The following TFPI variants were observed in gnomAD, a reference collection of about 807,000 sequenced individuals.
TFPI encodes tissue factor pathway inhibitor.
Under a neutral mutation model 34.6 loss-of-function variants are expected in TFPI, and 15 were observed. The ratio of observed to expected loss-of-function variants is 0.43; its 90% CI spans 0.29 to 0.67. TFPI has a LOEUF of 0.67. TFPI is among the 30% of genes least tolerant of loss of function. The pLI is 0.15. For synonymous variants in TFPI, 105 were observed against 120.1 expected (o/e 0.87, Z 0.82); for missense variants, 301 against 364.0 (o/e 0.83, Z 1.41).
chr2:187,494,104 C>T (rs572264607), intron 3 of TFPI, among the ~76,000 whole-genome samples: 1 of 152,264 alleles, frequency 6.6e-6, no homozygotes, highest in Non-Finnish European at 1.5e-5. Flanking sequence ...TGCAGAGAAA[C>T]TCCTGTTTGT....
At chr2:187,519,088 A>G (rs1687199279) in intron 1 of TFPI, 1 of 152,140 alleles carries the variant, frequency 6.6e-6, no homozygotes. Context: ...TTGGGTTAGA[A>G]CATGCTCCCT....
At chr2:187,541,236 C>T (rs772649104) in intron 1 of TFPI, among the ~76,000 whole-genome samples, 6 of 152,188 alleles carry the variant, frequency 3.9e-5, no homozygotes, top group Middle Eastern at 3.4e-3. Context: ...TAAGAATTAT[C>T]TATGATTTGT....
chr2:187,503,899 T>C, intron 1 of TFPI, 129 bp from the exon 2 acceptor site: 1 of 947,046 alleles, frequency 1.1e-6, no homozygotes. Flanking sequence ...ACACATACAT[T>C]TCTCTGTGCA....
chr2:187,503,322 G>A (rs1685973714), intron 2 of TFPI, among the ~76,000 whole-genome samples: 1 of 152,046 alleles, frequency 6.6e-6, no homozygotes, highest in South Asian at 2.1e-4. Flanking sequence ...AATGTCATAG[G>A]GAGTTGTTTT....
intron 3 of TFPI, among the ~76,000 whole-genome samples, chr2:187,494,509 T>G (rs535084539): frequency 1.4e-4 from 22 of 152,280 alleles, no homozygotes; most frequent in African/African-American, 4.8e-4. Context: ...TTTTGTTCAA[T>G]GCTTGCAAAC....
intron 1 of TFPI, among the ~76,000 whole-genome samples, chr2:187,550,680 T>C (rs1036421227): frequency 6.6e-6 from 1 of 152,180 alleles, no homozygotes; most frequent in Non-Finnish European, 1.5e-5. Context: ...GTAAAGTATT[T>C]TCCATATGTC....
At chr2:187,532,109 G>A (rs2106259534) in intron 1 of TFPI, among the ~76,000 whole-genome samples, 1 of 152,192 alleles carries the variant, frequency 6.6e-6, no homozygotes, top group East Asian at 1.9e-4. Context: ...CCATCAATCT[G>A]CCTATTCAGA....
rs553062192 is a variant in TFPI, at chr2:187,502,897, G to C, written c.121+751C>G. Among the ~76,000 whole-genome samples, 3 of 152,196 alleles carry C rather than the reference G, an allele frequency of 2.0e-5. No homozygotes were observed. The South Asian group carries it at 6.2e-4, about 32-fold the overall frequency. Reference sequence around the variant, plus strand: ...GCTATTAAAGCTATCAAATAAGAATGCATTTATGGAAATCTTTTTTACATC... The same window carrying C: ...GCTATTAAAGCTATCAAATAAGAATCCATTTATGGAAATCTTTTTTACATC... On this transcript the variant is annotated intron_variant, in intron 2 of 7. Coordinates refer to ENST00000233156, the MANE Select transcript of TFPI (RefSeq NM_006287.6).
intron 1 of TFPI, among the ~76,000 whole-genome samples, chr2:187,521,163 A>C (rs1382968065): frequency 6.6e-6 from 1 of 152,076 alleles, no homozygotes. Flanking sequence ...ATATATGTGT[A>C]TATTCTATCC....
In TFPI at chr2:187,529,772, A is replaced by AAGAT. The variant is rs1345021321; in HGVS notation, c.-3+24424_-3+24427dup. On this transcript the variant is annotated intron_variant, in intron 1 of 7. Coordinates refer to ENST00000233156, the MANE Select transcript of TFPI (RefSeq NM_006287.6). ...CCTTTCTATCAGTAGGCTGGAGCTG[A>AAGAT]AGATACATCAGCCCTAGAGTGCACT... Among the ~76,000 whole-genome samples the AAGAT allele has an allele frequency of 3.3e-5, 5 of 152,296 alleles. No homozygotes were observed. The East Asian group carries it at 7.7e-4, about 24-fold the overall frequency.
chr2:187,484,153 G>A lies in TFPI; in HGVS notation c.599C>T (p.Pro200Leu), dbSNP rs764845860. 4.7e-5 allele frequency: 75 copies of A among 1,612,114 alleles called. No individual in the cohort carries two copies. Among genetic ancestry groups the A allele is most frequent in the African/African-American group, 1.1e-4 (8 of 74,776 alleles). ...AAGGCTGGGAACCTTGGTTGATTGC[G>A]GAGTCAGGGAGTTATTCACAGCATT... ...QLNAVNNSLT[P>L]QSTKVPSLFE... The change falls in exon 6 of 8, where the codon CCG becomes CTG. Residue 200 changes from proline (P) to leucine (L), a missense_variant. Coordinates refer to ENST00000233156, the MANE Select transcript of TFPI (RefSeq NM_006287.6).
At chr2:187,500,548 A>G (rs1559122676) in intron 2 of TFPI, among the ~76,000 whole-genome samples, 1 of 152,154 alleles carries the variant, frequency 6.6e-6, no homozygotes, top group Non-Finnish European at 1.5e-5. Context: ...ATTCACCTTT[A>G]TGAAACTAAA....
intron 1 of TFPI, among the ~76,000 whole-genome samples, chr2:187,553,524 C>T (rs1417043107): frequency 6.6e-6 from 1 of 152,082 alleles, no homozygotes; most frequent in Non-Finnish European, 1.5e-5. Context: ...TAGAAGCAAA[C>T]ATTTTATAAC....
chr2:187,513,837 A>T (rs1686813765), intron 1 of TFPI: 1 of 152,236 alleles, frequency 6.6e-6, no homozygotes, highest in Non-Finnish European at 1.5e-5. Flanking sequence ...TAACATAACC[A>T]AGTCAATTTT....
At position 187,512,304 on chromosome 2, in the gene TFPI, G is replaced by T. The variant is rs555465329; in HGVS notation, c.-2-8534C>A. On this transcript the variant is annotated intron_variant, in intron 1 of 7. Transcript: ENST00000233156. ...AAAAAAAAAAAAAAAAAGACAAAAA[G>T]GTAGCTTACTAACTTAAAAATCTTA... Among the ~76,000 whole-genome samples the T allele has an allele frequency of 2.3e-3, 340 of 146,926 alleles. 2 individuals are homozygous for T. Among genetic ancestry groups the T allele is most frequent in the African/African-American group, 7.7e-3 (306 of 39,762 alleles).
Position 187,466,949 on chromosome 2 carries a change from A to T in TFPI, c.902T>A (p.Val301Asp). Residue 301 changes from valine to aspartate, a missense_variant, in exon 8 of 8, where the codon GTT becomes GAT. Val to Asp is a radical substitution (Grantham distance 152). Coordinates refer to ENST00000233156, the MANE Select transcript of TFPI (RefSeq NM_006287.6). ...GCTATAACAAATTCACATATTTTTA[A>T]CAAAAATTTCTTCATATGCTATTTT... ...RVKIAYEEIF[V>D]KNM 6.5e-7 allele frequency: 1 copy of T among 1,544,454 alleles called. No homozygotes were observed. The highest frequency in any genetic ancestry group is 8.9e-7 in the Non-Finnish European group (1 of 1,128,072).
intron 2 of TFPI, among the ~76,000 whole-genome samples, chr2:187,498,882 A>G (rs1240833692): frequency 6.6e-6 from 1 of 152,030 alleles, no homozygotes; most frequent in African/African-American, 2.4e-5. Flanking sequence ...AATGTTGATC[A>G]AATCTTTAAC....
At chr2:187,501,980 C>G (rs1574440091) in intron 2 of TFPI, among the ~76,000 whole-genome samples, 1 of 151,946 alleles carries the variant, frequency 6.6e-6, no homozygotes, top group East Asian at 1.9e-4. Flanking sequence ...AAATAATATA[C>G]TTCTATAAAA....
At chr2:187,510,756 C>A (rs1425802432) in intron 1 of TFPI, among the ~76,000 whole-genome samples, 1 of 152,132 alleles carries the variant, frequency 6.6e-6, no homozygotes, top group African/African-American at 2.4e-5. Flanking sequence ...GTCACGTACC[C>A]CCTGCTTGCT....
Sources: gnomAD v4.1 joint callset for allele counts (sites outside exome capture counted in the v4.1 genomes callset) on GRCh38, gnomAD v4.1.1 for gene constraint, MANE v1.5 for transcripts, NCBI Gene and HGNC (gene_info 2026-07-23, HGNC 2026-07-21) for gene names.